GABRG3: variants seen among roughly 807,000 people sequenced by gnomAD.
The protein encoded by GABRG3 is gamma-aminobutyric acid type A receptor subunit gamma3.
A neutral mutation model predicts 48.8 loss-of-function variants in GABRG3; 25 were observed. The ratio of observed to expected loss-of-function variants is 0.51; its 90% CI spans 0.37 to 0.72. The LOEUF (loss-of-function observed/expected upper bound fraction) is 0.72, where lower values mean the gene tolerates loss of function less well. Among genes scored for constraint, GABRG3 ranks in the 30% least tolerant of loss-of-function variants. The pLI, the probability that GABRG3 is intolerant of heterozygous loss-of-function variation, is 0.00. For missense variants in GABRG3, 394 were observed against 577.9 expected (o/e 0.68, Z 3.26); for synonymous variants, 227 against 217.6 (o/e 1.04, Z -0.38).
chr15:27,131,600 G>T (rs1897917148), intron 3 of GABRG3, among the ~76,000 whole-genome samples: 1 of 151,968 alleles, frequency 6.6e-6, no homozygotes. Context: ...AGCATCTGAG[G>T]ATAATTGGTA....
At chr15:27,519,152 A>C (rs1287265300) in intron 6 of GABRG3, among the ~76,000 whole-genome samples, 1 of 152,174 alleles carries the variant, frequency 6.6e-6, no homozygotes, top group African/African-American at 2.4e-5. Flanking sequence ...CCAGCAGGCT[A>C]AAGGGGTGGA....
chr15:27,391,851 A>C (rs577495686), intron 5 of GABRG3, among the ~76,000 whole-genome samples: 27 of 152,336 alleles, frequency 1.8e-4, no homozygotes, highest in African/African-American at 5.8e-4. Context: ...TTCGCTAACC[A>C]TATAGCTCAA....
chr15:27,061,922 C>T (rs1896653779), intron 3 of GABRG3, among the ~76,000 whole-genome samples: 1 of 152,180 alleles, frequency 6.6e-6, no homozygotes, highest in South Asian at 2.1e-4. Context: ...CTAGGAGGCA[C>T]TTCCATGTTT....
chr15:27,238,518 A>G (rs1166707812), intron 3 of GABRG3, among the ~76,000 whole-genome samples: 2 of 152,174 alleles, frequency 1.3e-5, no homozygotes, highest in East Asian at 3.9e-4. Context: ...TAAATTATGT[A>G]CTGTGTCCCT....
chr15:27,195,363 C>T (rs1421699783), intron 3 of GABRG3, among the ~76,000 whole-genome samples: 1 of 152,176 alleles, frequency 6.6e-6, no homozygotes, highest in Non-Finnish European at 1.5e-5. Context: ...CCATCTGTCT[C>T]ACTCTGTCAC....
chr15:27,479,308 G>T (rs965332024), intron 5 of GABRG3, among the ~76,000 whole-genome samples: 6 of 152,256 alleles, frequency 3.9e-5, no homozygotes, highest in African/African-American at 1.4e-4. Flanking sequence ...GACAGTGTTT[G>T]ATTCCTTCAT....
chr15:27,144,827 GACAC>G (rs769103842), intron 3 of GABRG3, among the ~76,000 whole-genome samples: 4 of 152,176 alleles, frequency 2.6e-5, no homozygotes, highest in Non-Finnish European at 5.9e-5. Context: ...TCCCAAAAAG[GACAC>G]ACAGAGCAAC....
rs531508002 is a variant in GABRG3 at position 27,408,668 on chromosome 15, C to T, written c.575-71982C>T. On this transcript the variant is annotated intron_variant, in intron 5 of 9. Transcript: ENST00000615808. ...ACTTCCAGTGTGGTGTTTTCTACTTCGGGGTGACTGCAGAGGACAATAGAA... is the reference window on the plus strand; with the variant it reads ...ACTTCCAGTGTGGTGTTTTCTACTTTGGGGTGACTGCAGAGGACAATAGAA... Among the ~76,000 whole-genome samples the T allele has an allele frequency of 3.9e-5, 6 of 152,140 alleles. No homozygotes were observed. The East Asian group carries it at 5.8e-4, about 15-fold the overall frequency.
At chr15:27,137,756 G>A (rs535790280) in intron 3 of GABRG3, among the ~76,000 whole-genome samples, 11 of 152,190 alleles carry the variant, frequency 7.2e-5, no homozygotes, top group Middle Eastern at 3.4e-3. Context: ...GTGGTTTTTC[G>A]TTTCATAAAG....
chr15:27,326,754 T>C, intron 3 of GABRG3, 55 bp from the exon 4 acceptor site: 1 of 1,400,910 alleles, frequency 7.1e-7, no homozygotes, highest in Non-Finnish European at 1.0e-6. Flanking sequence ...GAGAACAAAT[T>C]ATACAGAACA....
intron 3 of GABRG3, among the ~76,000 whole-genome samples, chr15:27,106,726 A>T (rs1160175082): frequency 6.6e-6 from 1 of 152,054 alleles, no homozygotes; most frequent in Non-Finnish European, 1.5e-5. Context: ...CATTATTGGA[A>T]TGAAATGAGG....
At chr15:27,325,012 T>C (rs1236551660) in intron 3 of GABRG3, among the ~76,000 whole-genome samples, 1 of 116,208 alleles carries the variant, frequency 8.6e-6, no homozygotes, top group East Asian at 2.2e-4. Flanking sequence ...ACTTTGGCAC[T>C]GCAAAGTCCC....
intron 5 of GABRG3, chr15:27,350,226 C>T: frequency 4.4e-6 from 2 of 455,306 alleles, no homozygotes; most frequent in South Asian, 3.1e-5. Context: ...CGGAGACTCG[C>T]TTCCATTCGT....
intron 6 of GABRG3, among the ~76,000 whole-genome samples, chr15:27,486,485 T>C (rs965250252): frequency 2.0e-5 from 3 of 152,078 alleles, no homozygotes; most frequent in Non-Finnish European, 4.4e-5. Flanking sequence ...ATATATGAAG[T>C]TTTTGATACT....
intron 6 of GABRG3, among the ~76,000 whole-genome samples, chr15:27,486,641 A>G (rs557402763): frequency 5.8e-4 from 89 of 152,310 alleles, no homozygotes; most frequent in African/African-American, 2.0e-3. Context: ...CTTACCTCCT[A>G]TGTGACCTTG....
intron 3 of GABRG3, among the ~76,000 whole-genome samples, chr15:27,032,802 T>C (rs1896108437): frequency 6.6e-6 from 1 of 151,818 alleles, no homozygotes; most frequent in Non-Finnish European, 1.5e-5. Context: ...ATTTTCATTG[T>C]GTACAAAGAT....
At chr15:27,378,626 A>T (rs1252739648) in intron 5 of GABRG3, among the ~76,000 whole-genome samples, 1 of 152,164 alleles carries the variant, frequency 6.6e-6, no homozygotes, top group East Asian at 1.9e-4. Flanking sequence ...AAGTCTGGTT[A>T]TTTCTGATGG....
At chr15:27,027,573 C>G (rs959317249) in intron 3 of GABRG3, among the ~76,000 whole-genome samples, 1 of 152,176 alleles carries the variant, frequency 6.6e-6, no homozygotes, top group East Asian at 1.9e-4. Context: ...ATGGAAATAA[C>G]CCCTCCAAAA....
At chr15:27,478,812 A>G (rs1282700679) in intron 5 of GABRG3, among the ~76,000 whole-genome samples, 7 of 152,248 alleles carry the variant, frequency 4.6e-5, no homozygotes, top group Non-Finnish European at 1.0e-4. Context: ...TTATTTGGCA[A>G]TAAATGAGAA....
Sources: gnomAD v4.1 joint callset for allele counts (sites outside exome capture counted in the v4.1 genomes callset) on GRCh38, gnomAD v4.1.1 for gene constraint, MANE v1.5 for transcripts, NCBI Gene and HGNC (gene_info 2026-07-23, HGNC 2026-07-21) for gene names.